Variants in LRRC37A observed in about 807,000 individuals in gnomAD.
LRRC37A encodes leucine-rich repeat-containing protein 37A.
In LRRC37A, 3 loss-of-function variants were observed where a neutral mutation model predicts 35.4. The observed-to-expected ratio is 0.08, with a 90% confidence interval of 0.04 to 0.22. The LOEUF (loss-of-function observed/expected upper bound fraction) is 0.22, where lower values mean the gene tolerates loss of function less well. Among genes scored for constraint, LRRC37A ranks in the 10% least tolerant of loss-of-function variants. The pLI, the probability that LRRC37A is intolerant of heterozygous loss-of-function variation, is 1.00. For missense variants in LRRC37A, 67 were observed against 565.3 expected, an observed-to-expected ratio of 0.12 and a Z score of 8.94; for synonymous variants, 23 against 215.0, an observed-to-expected ratio of 0.11 and a Z score of 7.81.
At chr17:46,248,907 C>T in the LRRC37A span, among the ~76,000 whole-genome samples, 2 of 151,736 alleles carry the variant, frequency 1.3e-5, no homozygotes, top group Admixed American at 6.5e-5. Context: ...CTGCAGGTTC[C>T]TCATCCATGG....
the LRRC37A span, among the ~76,000 whole-genome samples, chr17:46,270,420 C>A: frequency 6.6e-6 from 1 of 152,160 alleles, no homozygotes; most frequent in Non-Finnish European, 1.5e-5. Flanking sequence ...TGAGAGATTT[C>A]TAGAGTATTT....
chr17:46,253,306 G>A, the LRRC37A span, among the ~76,000 whole-genome samples: 1 of 151,598 alleles, frequency 6.6e-6, no homozygotes, highest in African/African-American at 2.4e-5. Flanking sequence ...TTTCCAGACT[G>A]GGCAGCCAGG....
exon 9 of LRRC37A, chr17:46,331,075 A>G (rs541655426): frequency 1.4e-6 from 1 of 716,224 alleles, no homozygotes; most frequent in African/African-American, 1.8e-5. Context: ...AAGCCCTACC[A>G]CAGGTGAGAG....
chr17:46,267,032 C>G, the LRRC37A span: 1 of 212,072 alleles, frequency 4.7e-6, no homozygotes, highest in Non-Finnish European at 8.9e-6. Context: ...GCCGCCGCGC[C>G]TCAGCTTCAG....
the LRRC37A span, among the ~76,000 whole-genome samples, chr17:46,253,723 C>T: frequency 8.0e-5 from 10 of 125,692 alleles, no homozygotes; most frequent in African/African-American, 2.7e-4. Flanking sequence ...CAGAGGGAGA[C>T]CGTGGAAAGA....
At position 46,325,951 on chromosome 17, in the gene LRRC37A, A is replaced by G. The variant is rs2051711591; in HGVS notation, c.3054-2441A>G. ...TTAAAGGAAAAAAAGAAAATGTTTA[A>G]AATAAAAAGTTGGGGGCAGAAAAAG... is the stretch of plus-strand genomic sequence containing the variant. On this transcript the variant is annotated intron_variant, in intron 7 of 13. Transcript: ENST00000320254. Among the ~76,000 whole-genome samples, 2 of 68,982 alleles carry G rather than the reference A, an allele frequency of 2.9e-5. 1 individual carries two copies. Among genetic ancestry groups the G allele is most frequent in the Admixed American group, 2.9e-4 (2 of 6,940 alleles). The allele number at this position is 68,982 out of a possible 152,430, so 45.3% of individuals were successfully genotyped here.
At chr17:46,307,783 T>TC (rs2050617629) in intron 5 of LRRC37A, among the ~76,000 whole-genome samples, 1 of 78,742 alleles carries the variant, frequency 1.3e-5, no homozygotes, top group African/African-American at 3.2e-5. Flanking sequence ...TTTGCTGAGG[T>TC]GGGTGGATCA....
the LRRC37A span, among the ~76,000 whole-genome samples, chr17:46,273,994 G>A: frequency 6.6e-6 from 1 of 152,236 alleles, no homozygotes; most frequent in Non-Finnish European, 1.5e-5. Flanking sequence ...ATCAACTGAT[G>A]CGACAGGATT....
At chr17:46,275,730 TGTG>T in the LRRC37A span, among the ~76,000 whole-genome samples, 2 of 152,218 alleles carry the variant, frequency 1.3e-5, no homozygotes, top group Admixed American at 6.5e-5. Flanking sequence ...GCATTACCAT[TGTG>T]GTGAAAGGTG....
chr17:46,275,457 C>T, the LRRC37A span: 1 of 830,346 alleles, frequency 1.2e-6, no homozygotes, highest in Admixed American at 2.2e-5. Context: ...GAGCACCTTT[C>T]ATTTTTGAAA....
chr17:46,258,708 T>TTG, the LRRC37A span, among the ~76,000 whole-genome samples: 15,193 of 78,506 alleles, frequency 0.19, 1,154 homozygotes, highest in Non-Finnish European at 0.28. Context: ...ACTATTATTC[T>TTG]TTTTTTTTTT....
At chr17:46,288,437 T>A (rs1225099908), upstream of LRRC37A, among the ~76,000 whole-genome samples, 6 of 151,432 alleles carry the variant, frequency 4.0e-5, no homozygotes, top group African/African-American at 1.5e-4. Flanking sequence ...GCTTCCCAAG[T>A]AGCTGGGATT....
the LRRC37A span, among the ~76,000 whole-genome samples, chr17:46,286,895 C>T: frequency 6.6e-6 from 1 of 152,316 alleles, no homozygotes; most frequent in Admixed American, 6.5e-5. Context: ...ATTTTCTTAG[C>T]CTCCTTTTCT....
the LRRC37A span, among the ~76,000 whole-genome samples, chr17:46,279,940 T>C: frequency 6.6e-6 from 1 of 152,238 alleles, no homozygotes; most frequent in Non-Finnish European, 1.5e-5. Flanking sequence ...TGTCTTGCCC[T>C]ACTGACCCTC....
At chr17:46,260,143 G>A in the LRRC37A span, 1 of 724,594 alleles carries the variant, frequency 1.4e-6, no homozygotes, top group African/African-American at 2.4e-5. Context: ...CTGCAGCGCG[G>A]GCAGCAGCGC....
chr17:46,267,745 G>C, the LRRC37A span, among the ~76,000 whole-genome samples: 2 of 152,172 alleles, frequency 1.3e-5, no homozygotes, highest in South Asian at 4.1e-4. Context: ...GGCACAAAGC[G>C]GGCTGTCAAT....
At chr17:46,269,373 A>C in the LRRC37A span, among the ~76,000 whole-genome samples, 3 of 152,242 alleles carry the variant, frequency 2.0e-5, no homozygotes, top group Admixed American at 2.0e-4. Context: ...GTCTCTACTA[A>C]AAATACAAAA....
the LRRC37A span, among the ~76,000 whole-genome samples, chr17:46,252,429 T>C: frequency 6.8e-6 from 1 of 146,010 alleles, no homozygotes; most frequent in Non-Finnish European, 1.6e-5. Context: ...CAGAGGGGGA[T>C]TTGGCAGGGT....
intron 10 of LRRC37A, 119 bp downstream of exon 10, chr17:46,332,775 C>T: frequency 4.9e-6 from 2 of 404,774 alleles, no homozygotes; most frequent in Non-Finnish European, 9.6e-6. Flanking sequence ...CATACTTCTT[C>T]AGTCATTTAA....
Sources: gnomAD v4.1 joint callset for allele counts (sites outside exome capture counted in the v4.1 genomes callset) on GRCh38, gnomAD v4.1.1 for gene constraint, MANE v1.5 for transcripts, NCBI Gene and HGNC (gene_info 2026-07-23, HGNC 2026-07-21) for gene names.